Variants in FBLN1 observed in about 807,000 individuals in gnomAD.
FBLN1 encodes fibulin-1.
Under a neutral mutation model 89.7 loss-of-function variants are expected in FBLN1, and 34 were observed. The observed-to-expected ratio is 0.38, with a 90% CI of 0.29 to 0.50. FBLN1 has a LOEUF of 0.50. FBLN1 is among the 20% of genes least tolerant of loss of function. FBLN1 has a pLI of 0.92. For missense variants in FBLN1, 777 were observed against 988.1 expected (o/e 0.79, Z 2.86); for synonymous variants, 393 against 391.3 (o/e 1.00, Z -0.05).
At chr22:45,515,515 T>C (rs1037892524) in intron 1 of FBLN1, among the ~76,000 whole-genome samples, 1 of 152,196 alleles carries the variant, frequency 6.6e-6, no homozygotes, top group Admixed American at 6.5e-5. Context: ...AAACCGTTTC[T>C]GCAGCTCTGG....
In FBLN1 at chr22:45,574,544, C is replaced by T; in HGVS notation, c.1731C>T (p.Cys577=). 6.2e-7 allele frequency: 1 copy of T among 1,614,190 alleles called. No individual in the cohort carries two copies. The highest frequency in any genetic ancestry group is 8.5e-7 in the Non-Finnish European group (1 of 1,180,042). The part of the protein sequence containing the change: ...LQQEKTDTVR[C]IKSCRPNDVT... ...AGGAGAAGACAGACACGGTCCGCTG[C>T]ATCAAGTCCTGCCGCCCCAACGATG... Residue 577 remains cysteine, a synonymous_variant, in exon 15 of 17, where the codon TGC becomes TGT. Transcript: ENST00000327858. This position sits in a 1 kb window ranked among gnomAD's most constrained non-coding sequence, Gnocchi z 4.1.
chr22:45,536,440 TTGTAGTTCACA>T lies in FBLN1; in HGVS notation c.922+1114_922+1124del, dbSNP rs142421024. On this transcript the variant is annotated intron_variant, in intron 8 of 16. Transcript: ENST00000327858. The surrounding 1 kb of genome is among the most constrained non-coding windows in gnomAD (Gnocchi z 5.1). ...TGGCAGATTTTGTGTTACATAAAAT[TTGTAGTTCACA>T]TGTAGTTCACCACAATGAGAAAAGA... Among the ~76,000 whole-genome samples the T allele has an allele frequency of 5.9e-3, 904 of 152,240 alleles. 6 individuals are homozygous for T. Among genetic ancestry groups the T allele is most frequent in the African/African-American group, 0.021 (873 of 41,538 alleles).
intron 16 of FBLN1, among the ~76,000 whole-genome samples, chr22:45,586,506 C>T (rs2089087195): frequency 2.6e-5 from 4 of 152,234 alleles, no homozygotes; most frequent in Admixed American, 2.6e-4. Flanking sequence ...CGTCATGGTC[C>T]CAGCGGGAGG....
At chr22:45,515,634 C>T (rs775210567) in intron 1 of FBLN1, among the ~76,000 whole-genome samples, 1 of 152,180 alleles carries the variant, frequency 6.6e-6, no homozygotes, top group Non-Finnish European at 1.5e-5. Context: ...TTCCGCACAC[C>T]AGCACCCGGC....
chr22:45,569,146 A>G (rs1349134111), intron 14 of FBLN1, among the ~76,000 whole-genome samples: 1 of 152,184 alleles, frequency 6.6e-6, no homozygotes, highest in East Asian at 1.9e-4. Flanking sequence ...CTTTCTTGGA[A>G]GGATGTAATG....
At chr22:45,526,849 A>G (rs886884294) in intron 3 of FBLN1, among the ~76,000 whole-genome samples, 4 of 152,208 alleles carry the variant, frequency 2.6e-5, no homozygotes, top group African/African-American at 7.2e-5. Context: ...CCAACACCCA[A>G]TGCAGGGCTG....
chr22:45,542,326 T>C, intron 10 of FBLN1, 43 bp downstream of exon 10: 1 of 1,612,352 alleles, frequency 6.2e-7, no homozygotes, highest in Non-Finnish European at 8.5e-7. Flanking sequence ...CCCAGCCACG[T>C]GGCACCAGGG....
Position 45,600,542 on chromosome 22 carries a change from T to A in FBLN1, c.*96T>A. The A allele has an allele frequency of 2.1e-6, 3 of 1,400,122 alleles. No individual in the cohort carries two copies. The highest frequency in any genetic ancestry group is 3.0e-6 in the Non-Finnish European group (3 of 986,444). The allele number at this position is 1,400,122 out of a possible 1,614,324, so 86.7% of individuals were successfully genotyped here. ...ACTTGTTTATACCCTCAGACTTTTT[T>A]AATGTTAGGTATTTGTAGCATTAGG... On this transcript the variant is annotated 3_prime_UTR_variant, in exon 17 of 17. Coordinates refer to ENST00000327858, the MANE Select transcript of FBLN1 (RefSeq NM_006486.3).
At chr22:45,506,680 G>A (rs1602155892) in intron 1 of FBLN1, among the ~76,000 whole-genome samples, 2 of 152,160 alleles carry the variant, frequency 1.3e-5, no homozygotes, top group Non-Finnish European at 2.9e-5. Flanking sequence ...GAGAAAACAC[G>A]AGACTTCCAG....
At position 45,555,248 on chromosome 22, in the gene FBLN1, C is replaced by CATATATATATATATATAT. The variant is rs71779159; in HGVS notation, c.1697+4650_1697+4651insTATATATATATATATATA. ...AGAGGGACAGAACTAATGGAATATACATATATATATATATATAAAATGGAA... is the reference window on the plus strand; with the variant it reads ...AGAGGGACAGAACTAATGGAATATACATATATATATATATATATATATATATATATATATAAAATGGAA... On this transcript the variant is annotated intron_variant, in intron 14 of 16. Transcript: ENST00000327858. Among the ~76,000 whole-genome samples, 159 of 135,062 alleles carry CATATATATATATATATAT rather than the reference C, an allele frequency of 1.2e-3. 2 individuals are homozygous for CATATATATATATATATAT. The highest frequency in any genetic ancestry group is 4.5e-3 in the African/African-American group (141 of 31,462). The allele number at this position is 135,062 out of a possible 152,430, so 88.6% of individuals were successfully genotyped here.
intron 1 of FBLN1, among the ~76,000 whole-genome samples, chr22:45,516,392 G>A (rs1313383966): frequency 1.3e-5 from 2 of 152,202 alleles, no homozygotes; most frequent in Non-Finnish European, 2.9e-5. Flanking sequence ...ATCCAGGAGT[G>A]CACCACGGCC....
Position 45,537,536 on chromosome 22 carries a change from C to T in FBLN1, c.922+2199C>T, listed in dbSNP as rs1268999783. ...TCAAGATGCTGAGGCAGGAGAATCG[C>T]TTGAACCCAGGAGGTGGAGGTTGTA... On this transcript the variant is annotated intron_variant, in intron 8 of 16. Coordinates refer to ENST00000327858, the MANE Select transcript of FBLN1 (RefSeq NM_006486.3). This position sits in a 1 kb window ranked among gnomAD's most constrained non-coding sequence, Gnocchi z 5.7. Among the ~76,000 whole-genome samples, 1 of 151,946 alleles carries T rather than the reference C, an allele frequency of 6.6e-6. No individual in the cohort carries two copies. The highest frequency in any genetic ancestry group is 1.9e-4 in the East Asian group (1 of 5,180).
intron 4 of FBLN1, among the ~76,000 whole-genome samples, chr22:45,529,014 G>A (rs1020759820): frequency 2.0e-5 from 3 of 152,180 alleles, no homozygotes; most frequent in Non-Finnish European, 2.9e-5. Flanking sequence ...GGTGTCAAGG[G>A]TTGGGTAGAG....
intron 16 of FBLN1, among the ~76,000 whole-genome samples, chr22:45,595,356 C>CT (rs1423159970): frequency 6.6e-6 from 1 of 152,178 alleles, no homozygotes; most frequent in Non-Finnish European, 1.5e-5. Flanking sequence ...GCCGTACAGT[C>CT]TGTTGTTCAA....
At chr22:45,573,719 C>T (rs1037403678) in intron 14 of FBLN1, among the ~76,000 whole-genome samples, 16 of 147,778 alleles carry the variant, frequency 1.1e-4, no homozygotes, top group South Asian at 2.2e-4. Context: ...AGAGCACTGC[C>T]GTGGGACTCA....
rs949990784 is a variant in FBLN1 at position 45,556,402 on chromosome 22, C to T, written c.1697+5787C>T. On this transcript the variant is annotated intron_variant, in intron 14 of 16. Coordinates refer to ENST00000327858, the MANE Select transcript of FBLN1 (RefSeq NM_006486.3). The surrounding 1 kb of genome is among the most constrained non-coding windows in gnomAD (Gnocchi z 4.6). ...TTGATGACTGCCTTCTTCTACTACC[C>T]ATTCTGTATTCCCTTTGCCTTCAGC... Among the ~76,000 whole-genome samples the T allele has an allele frequency of 4.6e-5, 7 of 151,890 alleles. No individual in the cohort carries two copies. The highest frequency in any genetic ancestry group is 1.3e-4 in the Admixed American group (2 of 15,242).
At chr22:45,524,513 C>T in intron 2 of FBLN1, among the ~76,000 whole-genome samples, 1 of 152,222 alleles carries the variant, frequency 6.6e-6, no homozygotes, top group East Asian at 1.9e-4. Context: ...GCCACCATCC[C>T]TCCCTCTGGG....
chr22:45,590,233 C>G lies in FBLN1; in HGVS notation c.1973-10074C>G, dbSNP rs1019635891. On this transcript the variant is annotated intron_variant, in intron 16 of 16. Transcript: ENST00000327858. The surrounding 1 kb of genome is among the most constrained non-coding windows in gnomAD (Gnocchi z 4.1). ...CGCCAGGCCAGCCTCTCTTCCCCCC[C>G]ATCCCTCCAGACCTTCATTGCATCT... Among the ~76,000 whole-genome samples the G allele has an allele frequency of 6.6e-6, 1 of 152,364 alleles. No homozygotes were observed. Among genetic ancestry groups the G allele is most frequent in the Non-Finnish European group, 1.5e-5 (1 of 68,046 alleles).
chr22:45,562,839 G>T lies in FBLN1; in HGVS notation c.1698-11672G>T, dbSNP rs1005443879. 2 of 1,465,802 alleles carry T rather than the reference G, an allele frequency of 1.4e-6. No individual in the cohort carries two copies. Among genetic ancestry groups the T allele is most frequent in the African/African-American group, 1.4e-5 (1 of 72,306 alleles). 90.8% of individuals were successfully genotyped at this position (1,465,802 alleles called of 1,614,324 possible). Reference sequence around the variant, plus strand: ...CCCCGCCTGCCAGCCCCGCATCCCCGCGCTCTGCCGTTTCTCCGCTTGCTG... The same window carrying T: ...CCCCGCCTGCCAGCCCCGCATCCCCTCGCTCTGCCGTTTCTCCGCTTGCTG... On this transcript the variant is annotated intron_variant, in intron 14 of 16. Transcript: ENST00000327858. This position sits in a 1 kb window ranked among gnomAD's most constrained non-coding sequence, Gnocchi z 7.8.
Sources: allele counts gnomAD v4.1 joint callset (sites outside exome capture counted in the v4.1 genomes callset), GRCh38; gene constraint gnomAD v4.1.1; non-coding constraint Gnocchi (gnomAD v3.1); transcripts MANE v1.5; gene names NCBI Gene and HGNC (gene_info 2026-07-23, HGNC 2026-07-21).